BDNF: variants seen among roughly 807,000 people sequenced by gnomAD.
BDNF encodes the protein neurotrophic factor BDNF precursor form.
In BDNF, 1 loss-of-function variant was observed where a neutral mutation model predicts 19.5. The ratio of observed to expected loss-of-function variants is 0.05; its 90% CI spans 0.02 to 0.24. The LOEUF is 0.24. BDNF is among the 10% of genes least tolerant of loss of function. The pLI, the probability that BDNF is intolerant of heterozygous loss-of-function variation, is 1.00. For synonymous variants in BDNF, 100 were observed against 121.6 expected, an observed-to-expected ratio of 0.82 and a Z score of 1.17; for missense variants, 195 against 317.6, an observed-to-expected ratio of 0.61 and a Z score of 2.93.
At position 27,712,927 on chromosome 11, in the gene BDNF, CTTTTTTTTT is replaced by C. The variant is rs112937534; in HGVS notation, c.3+8476_3+8484del. 3.4e-5 allele frequency among the ~76,000 whole-genome samples: 4 copies of C among 117,294 alleles called. No individual in the cohort carries two copies. The South Asian group carries it at 9.8e-4, about 29-fold the overall frequency. The allele number at this position is 117,294 out of a possible 152,430, so 76.9% of individuals were successfully genotyped here. A position where few individuals can be genotyped will look rare whatever the true frequency, so the allele number is the denominator to read the frequency against. ...TGAGCAATTCTTTCTTTCTTTCTTT[CTTTTTTTTT>C]TTTTTTTTTTTGCCAGGCTGGAGTG... On this transcript the variant is annotated intron_variant, in intron 1 of 1. Transcript: ENST00000314915.
chr11:27,720,328 C>T (rs999786531), intron 1 of BDNF: 61 of 985,740 alleles, frequency 6.2e-5, no homozygotes, highest in Non-Finnish European at 7.2e-5. Flanking sequence ...TGCAAGGGGT[C>T]CCCGCCCTGG....
intron 1 of BDNF, among the ~76,000 whole-genome samples, chr11:27,676,775 A>C (rs1281454361): frequency 1.3e-5 from 2 of 152,222 alleles, no homozygotes; most frequent in African/African-American, 4.8e-5. Context: ...CAAGCTTAGC[A>C]AGACATCCCT....
At chr11:27,665,167 T>C (rs931991283) in intron 1 of BDNF, 8 of 152,236 alleles carry the variant, frequency 5.3e-5, no homozygotes, top group Non-Finnish European at 1.0e-4. Flanking sequence ...TTCTATCTAC[T>C]ATGTTATTGA....
At chr11:27,712,927 C>CTTTTTTTTTTT (rs112937534) in intron 1 of BDNF, among the ~76,000 whole-genome samples, 1 of 117,272 alleles carries the variant, frequency 8.5e-6, no homozygotes, top group Non-Finnish European at 1.8e-5. Flanking sequence ...TTCTTTCTTT[C>CTTTTTTTTTTT]TTTTTTTTTT....
At chr11:27,666,608 G>A (rs1854383753) in intron 1 of BDNF, among the ~76,000 whole-genome samples, 1 of 152,146 alleles carries the variant, frequency 6.6e-6, no homozygotes, top group Admixed American at 6.5e-5. Context: ...GAAAACCATG[G>A]CACGAGAACT....
At chr11:27,712,409 GC>G (rs1475832776) in intron 1 of BDNF, among the ~76,000 whole-genome samples, 1 of 151,900 alleles carries the variant, frequency 6.6e-6, no homozygotes, top group Non-Finnish European at 1.5e-5. Flanking sequence ...GTATTAAAAA[GC>G]ATATATATTA....
At chr11:27,659,148 CTT>C in intron 1 of BDNF, 4 of 1,000,232 alleles carry the variant, frequency 4.0e-6, no homozygotes, top group Non-Finnish European at 4.8e-6. Context: ...TTTAAATTGA[CTT>C]TTTTTTTCCT....
At chr11:27,665,997 C>A (rs1321934260) in intron 1 of BDNF, among the ~76,000 whole-genome samples, 1 of 152,186 alleles carries the variant, frequency 6.6e-6, no homozygotes, top group Non-Finnish European at 1.5e-5. Context: ...CCCTGAGTAG[C>A]CTAACTGGGA....
chr11:27,689,890 T>C (rs981810239), intron 1 of BDNF, among the ~76,000 whole-genome samples: 1 of 151,996 alleles, frequency 6.6e-6, no homozygotes, highest in African/African-American at 2.4e-5. Flanking sequence ...TGCCCCCTGC[T>C]CCAGGCCCCA....
chr11:27,718,364 G>GC (rs1332547946), intron 1 of BDNF, among the ~76,000 whole-genome samples: 1 of 81,948 alleles, frequency 1.2e-5, no homozygotes, highest in East Asian at 4.8e-4. Flanking sequence ...ACCCCCCCCC[G>GC]CCCCTCCCGG....
At chr11:27,690,807 GT>G (rs922473397) in intron 1 of BDNF, among the ~76,000 whole-genome samples, 1 of 151,810 alleles carries the variant, frequency 6.6e-6, no homozygotes, top group Non-Finnish European at 1.5e-5. Flanking sequence ...CACAATTTAA[GT>G]TTTTTTAGGG....
At chr11:27,669,245 T>C (rs1854910119) in intron 1 of BDNF, among the ~76,000 whole-genome samples, 1 of 152,200 alleles carries the variant, frequency 6.6e-6, no homozygotes, top group Non-Finnish European at 1.5e-5. Flanking sequence ...TAGGTATTGA[T>C]GGGACATATC....
Position 27,700,168 on chromosome 11 carries a change from G to C in BDNF, c.-26C>G. 1.0e-6 allele frequency: 1 copy of C among 985,856 alleles called. No homozygotes were observed. The highest frequency in any genetic ancestry group is 1.2e-6 in the Non-Finnish European group (1 of 830,334). The allele number at this position is 985,856 out of a possible 1,614,324, so 61.1% of individuals were successfully genotyped here. On this transcript the variant is annotated 5_prime_UTR_variant, in exon 1 of 2. Coordinates refer to ENST00000356660, the MANE Select transcript of BDNF (RefSeq NM_001709.5). ...CCATTCCCAGCGCTTGCCTACCTCG[G>C]GGTCCACACAAACCTCACGGGTCCC...
At chr11:27,708,369 C>A (rs1467133077) in intron 1 of BDNF, among the ~76,000 whole-genome samples, 2 of 152,112 alleles carry the variant, frequency 1.3e-5, no homozygotes, top group Non-Finnish European at 2.9e-5. Context: ...CTAATTAGAG[C>A]AAAGTGAGTA....
chr11:27,674,297 C>A (rs368603984), intron 1 of BDNF: 2 of 1,553,378 alleles, frequency 1.3e-6, no homozygotes, highest in African/African-American at 1.4e-5. Flanking sequence ...AGTTGTCCTT[C>A]GGGTTATTTT....
At chr11:27,670,898 C>T (rs949412417) in intron 1 of BDNF, among the ~76,000 whole-genome samples, 5 of 152,188 alleles carry the variant, frequency 3.3e-5, no homozygotes, top group Non-Finnish European at 7.3e-5. Flanking sequence ...CCAGCCATCC[C>T]ATTACTGGGT....
chr11:27,709,329 A>G, intron 1 of BDNF, among the ~76,000 whole-genome samples: 1 of 152,176 alleles, frequency 6.6e-6, no homozygotes. Context: ...TTGAAGTTTC[A>G]AGTTTTAGCT....
chr11:27,700,903 C>T, upstream of BDNF: 1 of 1,316,050 alleles, frequency 7.6e-7, no homozygotes. Context: ...TCAACTCTCC[C>T]CTTCCTCCCC....
In BDNF at chr11:27,721,437, C is replaced by T. The variant is rs549512721; in HGVS notation, c.-23G>A. 1.2e-4 allele frequency: 194 copies of T among 1,613,922 alleles called. 2 individuals carry two copies. The South Asian group carries it at 1.5e-3, about 13-fold the overall frequency. On this transcript the variant is annotated 5_prime_UTR_variant, in exon 1 of 2. Transcript: ENST00000314915. ...CATTGTGCCTTTGCTGTCCTGGAGACTCAAGTGTCTTAAAATCTCGTCTCC... is the reference window on the plus strand; with the variant it reads ...CATTGTGCCTTTGCTGTCCTGGAGATTCAAGTGTCTTAAAATCTCGTCTCC...
Sources: allele counts gnomAD v4.1 joint callset (sites outside exome capture counted in the v4.1 genomes callset), GRCh38; gene constraint gnomAD v4.1.1; transcripts MANE v1.5; gene names NCBI Gene and HGNC (gene_info 2026-07-23, HGNC 2026-07-21).